RERE: variants seen among roughly 807,000 people sequenced by gnomAD.
The protein encoded by RERE is arginine-glutamic acid dipeptide repeats, also known as arginine-glutamic acid dipeptide repeats protein.
In RERE, 40 loss-of-function variants were observed where a neutral mutation model predicts 146.1. The ratio of observed to expected loss-of-function variants is 0.27; its 90% CI spans 0.21 to 0.36. The LOEUF (loss-of-function observed/expected upper bound fraction) is 0.36, where lower values mean the gene tolerates loss of function less well. Among genes scored for constraint, RERE ranks in the 10% least tolerant of loss-of-function variants. RERE has a pLI of 1.00. For missense variants in RERE, 1,933 were observed against 2,138.7 expected (o/e 0.90, Z 1.90); for synonymous variants, 1,003 against 866.0 (o/e 1.16, Z -2.78).
At chr1:8,688,630 A>G (rs1483433709) in intron 1 of RERE, among the ~76,000 whole-genome samples, 1 of 152,168 alleles carries the variant, frequency 6.6e-6, no homozygotes, top group East Asian at 1.9e-4. Flanking sequence ...GTAGCCTCCC[A>G]GCTACTCCAG....
intron 1 of RERE, among the ~76,000 whole-genome samples, chr1:8,710,672 C>G (rs191179154): frequency 2.6e-5 from 4 of 152,124 alleles, no homozygotes; most frequent in African/African-American, 9.7e-5. Context: ...GTGCCCACCA[C>G]GCCCGGCTAA....
chr1:8,575,817 C>T (rs1370347611), intron 4 of RERE, among the ~76,000 whole-genome samples: 1 of 151,688 alleles, frequency 6.6e-6, no homozygotes, highest in South Asian at 2.1e-4. Context: ...GGAAAAGATC[C>T]CAAACCTGAA....
intron 12 of RERE, among the ~76,000 whole-genome samples, chr1:8,370,267 T>C (rs937393855): frequency 1.3e-5 from 2 of 151,748 alleles, no homozygotes; most frequent in Middle Eastern, 3.4e-3. Context: ...ACAGGGACGG[T>C]GGGTGCTGCG....
At chr1:8,559,877 AGG>A (rs1646057707) in intron 4 of RERE, among the ~76,000 whole-genome samples, 1 of 152,192 alleles carries the variant, frequency 6.6e-6, no homozygotes, top group Non-Finnish European at 1.5e-5. Context: ...ACAGGCAGCA[AGG>A]GACAAATCGC....
chr1:8,416,539 C>G (rs530731628), intron 12 of RERE, among the ~76,000 whole-genome samples: 4 of 141,552 alleles, frequency 2.8e-5, no homozygotes, highest in Non-Finnish European at 6.0e-5. Flanking sequence ...TGAGCCGAGA[C>G]TGCATAACTG....
chr1:8,594,724 T>C (rs1216012429), intron 4 of RERE, among the ~76,000 whole-genome samples: 1 of 152,198 alleles, frequency 6.6e-6, no homozygotes, highest in Non-Finnish European at 1.5e-5. Context: ...TAACATATTA[T>C]CCTTTAGCAT....
intron 4 of RERE, among the ~76,000 whole-genome samples, chr1:8,589,856 C>A (rs1646471371): frequency 6.6e-6 from 1 of 152,222 alleles, no homozygotes; most frequent in East Asian, 1.9e-4. Flanking sequence ...CTGGTTCCGA[C>A]CACGAATCGA....
chr1:8,352,958 T>C lies in RERE; in HGVS notation c.*2129A>G, dbSNP rs927269917. ...AGGAGATAAAGAAGGTTTAACTGAA[T>C]GGTAGATGTTGTGTTCTACCAAAAA... On this transcript the variant is annotated 3_prime_UTR_variant, in exon 23 of 23. Coordinates refer to ENST00000400908, the MANE Select transcript of RERE (RefSeq NM_001042681.2). 2 of 152,554 alleles carry C rather than the reference T, an allele frequency of 1.3e-5. No individual in the cohort carries two copies. Among genetic ancestry groups the C allele is most frequent in the South Asian group, 2.1e-4 (1 of 4,830 alleles). The allele number at this position is 152,554 out of a possible 1,614,324, so 9.5% of individuals were successfully genotyped here.
intron 7 of RERE, among the ~76,000 whole-genome samples, chr1:8,532,683 C>T (rs1467195282): frequency 6.6e-6 from 1 of 152,158 alleles, no homozygotes; most frequent in African/African-American, 2.4e-5. Context: ...CAACCTCTGC[C>T]TCCTGGGTTC....
At chr1:8,556,027 C>A (rs1186141273) in intron 6 of RERE, among the ~76,000 whole-genome samples, 1 of 152,168 alleles carries the variant, frequency 6.6e-6, no homozygotes, top group African/African-American at 2.4e-5. Flanking sequence ...TCATCCATTT[C>A]TCTGTCTTTT....
At chr1:8,390,221 G>A (rs867089940) in intron 12 of RERE, among the ~76,000 whole-genome samples, 4 of 152,082 alleles carry the variant, frequency 2.6e-5, no homozygotes, top group South Asian at 2.1e-4. Context: ...CAAGAACGAC[G>A]GCATACAGAA....
At chr1:8,769,563 T>G (rs1169911836) in intron 1 of RERE, among the ~76,000 whole-genome samples, 1 of 152,170 alleles carries the variant, frequency 6.6e-6, no homozygotes, top group Non-Finnish European at 1.5e-5. Context: ...CACTCCAGCT[T>G]CAACCTCCAA....
intron 22 of RERE, 137 bp downstream of exon 22, chr1:8,355,282 T>C: frequency 6.1e-6 from 7 of 1,154,776 alleles, no homozygotes; most frequent in Non-Finnish European, 8.8e-6. Context: ...CCTCTGTTTC[T>C]CCCATCACCA....
chr1:8,378,120 C>T (rs1642322407), intron 12 of RERE, among the ~76,000 whole-genome samples: 1 of 152,212 alleles, frequency 6.6e-6, no homozygotes, highest in Admixed American at 6.5e-5. Context: ...TTTCTCACTG[C>T]ATTACCTTTA....
chr1:8,798,991 C>CTTTTTG (rs1333676587), intron 1 of RERE, among the ~76,000 whole-genome samples: 30 of 151,088 alleles, frequency 2.0e-4, no homozygotes, highest in African/African-American at 6.3e-4. Flanking sequence ...TGTGCCCGGC[C>CTTTTTG]TTTTTGTTTT....
In RERE at chr1:8,423,789, G is replaced by GCGGCGCGCAGAGCC. The variant is rs2124474148; in HGVS notation, c.1204-996_1204-983dup. Reference sequence around the variant, plus strand: ...CGCTGACGGGGGAGGAGGCAGGAGCGCGGCGCGCAGAGCCCGGCGCGGCCG... The same window carrying GCGGCGCGCAGAGCC: ...CGCTGACGGGGGAGGAGGCAGGAGCGCGGCGCGCAGAGCCCGGCGCGCAGAGCCCGGCGCGGCCG... On this transcript the variant is annotated intron_variant, in intron 11 of 22. Coordinates refer to ENST00000400908, the MANE Select transcript of RERE (RefSeq NM_001042681.2). The surrounding 1 kb of genome is among the most constrained non-coding windows in gnomAD (Gnocchi z 5.4). The GCGGCGCGCAGAGCC allele has an allele frequency of 1.4e-6, 1 of 716,814 alleles. No individual in the cohort carries two copies. The highest frequency in any genetic ancestry group is 6.2e-5 in the South Asian group (1 of 16,256). 44.4% of individuals were successfully genotyped at this position (716,814 alleles called of 1,614,324 possible).
intron 1 of RERE, among the ~76,000 whole-genome samples, chr1:8,676,850 A>C (rs1638851037): frequency 6.6e-6 from 1 of 152,162 alleles, no homozygotes. Flanking sequence ...TTTGTCCTAG[A>C]CCTCAGTTCC....
intron 1 of RERE, among the ~76,000 whole-genome samples, chr1:8,698,978 G>A (rs1368775627): frequency 6.6e-6 from 1 of 152,146 alleles, no homozygotes; most frequent in South Asian, 2.1e-4. Context: ...GAGTGCAGTG[G>A]TGCAATCATG....
intron 1 of RERE, among the ~76,000 whole-genome samples, chr1:8,691,072 ATT>A (rs1197197177): frequency 6.6e-6 from 1 of 151,908 alleles, no homozygotes; most frequent in Non-Finnish European, 1.5e-5. Flanking sequence ...TAATCTTTGT[ATT>A]TTTAGTACAG....
Sources: allele counts gnomAD v4.1 joint callset (sites outside exome capture counted in the v4.1 genomes callset), GRCh38; gene constraint gnomAD v4.1.1; non-coding constraint Gnocchi (gnomAD v3.1); transcripts MANE v1.5; gene names NCBI Gene and HGNC (gene_info 2026-07-23, HGNC 2026-07-21).